Variants in TTC27 observed in about 807,000 individuals in gnomAD.
TTC27 encodes tetratricopeptide repeat protein 27.
A neutral mutation model predicts 115.9 loss-of-function variants in TTC27; 79 were observed. The ratio of observed to expected loss-of-function variants is 0.68; its 90% CI spans 0.57 to 0.82. The LOEUF (loss-of-function observed/expected upper bound fraction) is 0.82, where lower values mean the gene tolerates loss of function less well. TTC27 is among the 40% of genes least tolerant of loss of function. The probability of loss-of-function intolerance (pLI) is 0.00; values close to 1 mark genes in which losing one functional copy is unlikely to be tolerated. For missense variants in TTC27, 1,054 were observed against 993.1 expected, an observed-to-expected ratio of 1.06 and a Z score of -0.82; for synonymous variants, 401 against 356.0, an observed-to-expected ratio of 1.13 and a Z score of -1.42.
chr2:32,729,819 C>T (rs1460858858), intron 10 of TTC27, among the ~76,000 whole-genome samples: 1 of 152,072 alleles, frequency 6.6e-6, no homozygotes, highest in Non-Finnish European at 1.5e-5. Context: ...TTCTTCTCCC[C>T]CTGTCTCCAT....
intron 8 of TTC27, among the ~76,000 whole-genome samples, chr2:32,678,450 C>T (rs1355162947): frequency 6.6e-6 from 1 of 151,192 alleles, no homozygotes; most frequent in Admixed American, 6.6e-5. Flanking sequence ...TTTTTTGAAA[C>T]AGAGTCTCGC....
At chr2:32,665,973 G>A (rs1487326570) in intron 6 of TTC27, among the ~76,000 whole-genome samples, 2 of 152,170 alleles carry the variant, frequency 1.3e-5, no homozygotes, top group African/African-American at 4.8e-5. Flanking sequence ...ATATTTAAAA[G>A]GTTAATGTAT....
intron 10 of TTC27, among the ~76,000 whole-genome samples, chr2:32,708,471 C>A (rs746652174): frequency 6.6e-6 from 1 of 151,502 alleles, no homozygotes; most frequent in Non-Finnish European, 1.5e-5. Flanking sequence ...GCCACCACAA[C>A]CAGCTAATTT....
At chr2:32,671,309 G>T (rs1666007957) in intron 7 of TTC27, among the ~76,000 whole-genome samples, 1 of 150,106 alleles carries the variant, frequency 6.7e-6, no homozygotes, top group African/African-American at 2.5e-5. Context: ...TTTTCCAAAT[G>T]GATATCCAGT....
At position 32,710,052 on chromosome 2, in the gene TTC27, C is replaced by G. The variant is rs144390144; in HGVS notation, c.1233+7132C>G. 5.5e-4 allele frequency among the ~76,000 whole-genome samples: 83 copies of G among 152,292 alleles called. 1 individual carries two copies. In the East Asian group the frequency reaches 0.015, roughly 28 times the overall value. On this transcript the variant is annotated intron_variant, in intron 10 of 19. Transcript: ENST00000317907. ...TATTTGAGATAGGAGGTCTCGCTCT[C>G]TCACCCACTCTGGAGTGCGGTGGCA...
chr2:32,814,264 A>G (rs994541794), intron 18 of TTC27, among the ~76,000 whole-genome samples: 1 of 152,180 alleles, frequency 6.6e-6, no homozygotes, highest in Non-Finnish European at 1.5e-5. Flanking sequence ...TGCATCTTAA[A>G]GTTGGGTTTA....
At chr2:32,643,839 A>G (rs978200630) in intron 4 of TTC27, among the ~76,000 whole-genome samples, 8 of 151,972 alleles carry the variant, frequency 5.3e-5, no homozygotes, top group African/African-American at 1.9e-4. Context: ...GTTCGACACC[A>G]GTCTGGCCAA....
chr2:32,693,791 G>A (rs1464079401), intron 9 of TTC27, among the ~76,000 whole-genome samples: 1 of 152,142 alleles, frequency 6.6e-6, no homozygotes, highest in Non-Finnish European at 1.5e-5. Flanking sequence ...CAGTCACACA[G>A]GACAGTAAAG....
intron 9 of TTC27, among the ~76,000 whole-genome samples, chr2:32,696,352 C>T (rs904786928): frequency 3.3e-5 from 5 of 151,208 alleles, no homozygotes; most frequent in South Asian, 4.2e-4. Context: ...TGCAGTGGTG[C>T]AATCTCGGCT....
At chr2:32,779,111 T>C (rs889773620) in intron 14 of TTC27, among the ~76,000 whole-genome samples, 1 of 152,090 alleles carries the variant, frequency 6.6e-6, no homozygotes, top group Non-Finnish European at 1.5e-5. Flanking sequence ...TGGTCCCAGC[T>C]ACTCAGGAGG....
chr2:32,636,374 C>T (rs1572460773), intron 3 of TTC27, among the ~76,000 whole-genome samples: 2 of 152,194 alleles, frequency 1.3e-5, no homozygotes, highest in South Asian at 2.1e-4. Flanking sequence ...CCACCACGCC[C>T]GGCTAATTTT....
intron 10 of TTC27, among the ~76,000 whole-genome samples, chr2:32,717,091 A>G (rs902954186): frequency 6.7e-6 from 1 of 149,078 alleles, no homozygotes; most frequent in African/African-American, 2.5e-5. Flanking sequence ...ACAATCTTGA[A>G]CTCTTGGGCT....
intron 11 of TTC27, among the ~76,000 whole-genome samples, chr2:32,734,921 ATC>A (rs948074763): frequency 2.4e-4 from 36 of 152,354 alleles, no homozygotes; most frequent in African/African-American, 8.2e-4. Context: ...TTTTAAAAAT[ATC>A]TGTTTTACAC....
chr2:32,710,385 A>T (rs931235512), intron 10 of TTC27, among the ~76,000 whole-genome samples: 2 of 152,078 alleles, frequency 1.3e-5, no homozygotes, highest in African/African-American at 4.8e-5. Context: ...GCAGCAAATT[A>T]AACTAAAAAA....
chr2:32,759,820 C>G (rs1420152196), intron 13 of TTC27, among the ~76,000 whole-genome samples: 3 of 152,176 alleles, frequency 2.0e-5, no homozygotes, highest in African/African-American at 7.2e-5. Flanking sequence ...TACTAGGTAA[C>G]TTGTAAAAGT....
chr2:32,652,762 T>G (rs1378556789), intron 5 of TTC27, among the ~76,000 whole-genome samples: 1 of 152,226 alleles, frequency 6.6e-6, no homozygotes, highest in Non-Finnish European at 1.5e-5. Flanking sequence ...GATCCAAATG[T>G]AATAACTGAA....
intron 10 of TTC27, among the ~76,000 whole-genome samples, chr2:32,705,685 C>G (rs1667344379): frequency 6.6e-6 from 1 of 152,040 alleles, no homozygotes; most frequent in South Asian, 2.1e-4. Flanking sequence ...AGCCTTACCA[C>G]TAGTTAGGGC....
chr2:32,666,283 C>G (rs1382601256), intron 6 of TTC27, among the ~76,000 whole-genome samples: 1 of 151,626 alleles, frequency 6.6e-6, no homozygotes, highest in Admixed American at 6.6e-5. Flanking sequence ...TGACTGTATT[C>G]TTTAGAACTT....
At chr2:32,676,415 C>T (rs1239685088) in intron 8 of TTC27, among the ~76,000 whole-genome samples, 4 of 150,704 alleles carry the variant, frequency 2.7e-5, no homozygotes, top group Admixed American at 6.6e-5. Context: ...AATTTATGGT[C>T]ATTATAAAAT....
Sources: gnomAD v4.1 joint callset for allele counts (sites outside exome capture counted in the v4.1 genomes callset) on GRCh38, gnomAD v4.1.1 for gene constraint, MANE v1.5 for transcripts, NCBI Gene and HGNC (gene_info 2026-07-23, HGNC 2026-07-21) for gene names.